The following ZBTB43 variants were observed in gnomAD, a reference collection of about 807,000 sequenced individuals.
The protein encoded by ZBTB43 is zinc finger and BTB domain-containing protein 43.
Under a neutral mutation model 31.1 loss-of-function variants are expected in ZBTB43, and 6 were observed. The observed-to-expected ratio is 0.19, with a 90% confidence interval of 0.11 to 0.38. ZBTB43 has a LOEUF of 0.38. Among genes scored for constraint, ZBTB43 ranks in the 10% least tolerant of loss-of-function variants. The probability of loss-of-function intolerance (pLI) is 1.00; values close to 1 mark genes in which losing one functional copy is unlikely to be tolerated. For synonymous variants in ZBTB43, 212 were observed against 221.7 expected (o/e 0.96, Z 0.39); for missense variants, 379 against 602.1 (o/e 0.63, Z 3.88).
At chr9:126,829,784 T>G (rs2032727099) in intron 2 of ZBTB43, among the ~76,000 whole-genome samples, 1 of 152,138 alleles carries the variant, frequency 6.6e-6, no homozygotes, top group African/African-American at 2.4e-5. Context: ...AAAGCAAAAT[T>G]CTACAGTGGT....
chr9:126,810,162 TTTTG>T (rs1020216317), intron 2 of ZBTB43, among the ~76,000 whole-genome samples: 54 of 151,524 alleles, frequency 3.6e-4, no homozygotes, highest in East Asian at 1.8e-3. Context: ...TTATTAAGGT[TTTTG>T]TTTGTTTGTT....
chr9:126,837,698 A>G lies in ZBTB43; in HGVS notation c.*3785A>G, dbSNP rs1163144114. On this transcript the variant is annotated 3_prime_UTR_variant, in exon 3 of 3. Transcript: ENST00000373464. ...ATTTAGGTTGCTTTAGTGGGTGACTAACTTTTGTTCAGTGAAACCAGGGTT... is the reference window on the plus strand; with the variant it reads ...ATTTAGGTTGCTTTAGTGGGTGACTGACTTTTGTTCAGTGAAACCAGGGTT... 1.8e-5 allele frequency: 3 copies of G among 167,064 alleles called. No individual in the cohort carries two copies. In the Admixed American group the frequency reaches 2.0e-4, roughly 11 times the overall value. 10.3% of individuals were successfully genotyped at this position (167,064 alleles called of 1,614,324 possible).
In ZBTB43 at chr9:126,832,561, A is replaced by T; in HGVS notation, c.52A>T (p.Thr18Ser). ...GGTAGAATTTCCTGATTTTTCCAGC[A>T]CCATTCTACAGAAACTGAACCAGCA... is the stretch of plus-strand genomic sequence containing the variant. ...FRVEFPDFSSTILQKLNQQRQ... is the reference protein window; with the variant it reads ...FRVEFPDFSSSILQKLNQQRQ... The change falls in exon 3 of 3, where the codon ACC (threonine) becomes TCC (serine). Residue 18 changes from threonine to serine, a missense_variant. Physicochemically the swap from Thr to Ser is moderately conservative, Grantham distance 58. Transcript: ENST00000373464. 1.9e-6 allele frequency: 3 copies of T among 1,612,782 alleles called. No homozygotes were observed. The highest frequency in any genetic ancestry group is 2.5e-6 in the Non-Finnish European group (3 of 1,178,762).
chr9:126,829,421 C>T (rs1453064188), intron 2 of ZBTB43, among the ~76,000 whole-genome samples: 2 of 152,220 alleles, frequency 1.3e-5, no homozygotes, highest in African/African-American at 4.8e-5. Flanking sequence ...GAACTGCTTA[C>T]ATTACGATAC....
At chr9:126,824,085 G>A (rs763697594) in intron 2 of ZBTB43, among the ~76,000 whole-genome samples, 2 of 151,836 alleles carry the variant, frequency 1.3e-5, no homozygotes, top group African/African-American at 2.4e-5. Context: ...GGAGTGCAGT[G>A]GCGCAATCTC....
chr9:126,825,289 T>C (rs2032606445), intron 2 of ZBTB43, among the ~76,000 whole-genome samples: 1 of 150,358 alleles, frequency 6.7e-6, no homozygotes, highest in African/African-American at 2.5e-5. Context: ...GGATTTTATT[T>C]ACCTTATCTT....
Position 126,837,721 on chromosome 9 carries a change from G to A in ZBTB43, c.*3808G>A, listed in dbSNP as rs537821410. The stretch of plus-strand genomic sequence containing the variant: ...CTAACTTTTGTTCAGTGAAACCAGG[G>A]TTTGTTTGGGGTTTTTTTCTTTGCT... On this transcript the variant is annotated 3_prime_UTR_variant, in exon 3 of 3. Coordinates refer to ENST00000373464, the MANE Select transcript of ZBTB43 (RefSeq NM_014007.4). The A allele has an allele frequency of 3.6e-5, 6 of 167,032 alleles. No individual in the cohort carries two copies. Among genetic ancestry groups the A allele is most frequent in the Non-Finnish European group, 8.8e-5 (6 of 68,138 alleles). The allele number at this position is 167,032 out of a possible 1,614,324, so 10.3% of individuals were successfully genotyped here. A position where few individuals can be genotyped will look rare whatever the true frequency, so the allele number is the denominator to read the frequency against.
rs540083489 is a variant in ZBTB43, at chr9:126,819,767, C to T, written c.-24+10852C>T. Among the ~76,000 whole-genome samples, 14 of 152,264 alleles carry T rather than the reference C, an allele frequency of 9.2e-5. No individual in the cohort carries two copies. The South Asian group carries it at 2.9e-3, about 32-fold the overall frequency. On this transcript the variant is annotated intron_variant, in intron 2 of 2. Coordinates refer to ENST00000373464, the MANE Select transcript of ZBTB43 (RefSeq NM_014007.4). ...AAGGCATATCAAAAGCAAACATAAG[C>T]CAAAAGTTAGACTTCTTGCTCTAAA...
chr9:126,818,438 T>C (rs971937790), intron 2 of ZBTB43, among the ~76,000 whole-genome samples: 2 of 151,624 alleles, frequency 1.3e-5, no homozygotes, highest in Non-Finnish European at 2.9e-5. Flanking sequence ...AGAGACAGGG[T>C]TTTACCATAC....
Position 126,833,908 on chromosome 9 carries a change from A to G in ZBTB43, c.1399A>G (p.Asn467Asp). The stretch of plus-strand genomic sequence containing the variant: ...GGCTGAGCAGAATACAACTGAGGCT[A>G]ACTAAAAATAGGATCTGGCCCTTGA... ...AKAEQNTTEA[N>D] The change falls in exon 3 of 3, where the codon AAC becomes GAC. Residue 467 changes from asparagine (N) to aspartate (D), a missense_variant. Coordinates refer to ENST00000373464, the MANE Select transcript of ZBTB43 (RefSeq NM_014007.4). The surrounding 1 kb of genome is among the most constrained non-coding windows in gnomAD (Gnocchi z 7.9). The G allele has an allele frequency of 6.4e-7, 1 of 1,572,586 alleles. No individual in the cohort carries two copies. The highest frequency in any genetic ancestry group is 2.3e-5 in the East Asian group (1 of 43,892).
chr9:126,826,454 C>CTTT (rs35094731), intron 2 of ZBTB43, among the ~76,000 whole-genome samples: 7,533 of 53,558 alleles, frequency 0.14, 2,907 homozygotes, highest in Non-Finnish European at 0.21. Flanking sequence ...GCCCCCCCGC[C>CTTT]TTTTTTTTTT....
chr9:126,815,656 CTCTTT>C (rs1283734528), intron 2 of ZBTB43, among the ~76,000 whole-genome samples: 2 of 77,464 alleles, frequency 2.6e-5, no homozygotes, highest in Non-Finnish European at 3.9e-5. Flanking sequence ...CTCTCTCTCT[CTCTTT>C]TTTTTTTTTT....
Position 126,816,600 on chromosome 9 carries a change from A to T in ZBTB43, c.-24+7685A>T, listed in dbSNP as rs1051306086. Among the ~76,000 whole-genome samples the T allele has an allele frequency of 6.6e-5, 10 of 152,274 alleles. No homozygotes were observed. In the East Asian group the frequency reaches 1.9e-3, roughly 29 times the overall value. On this transcript the variant is annotated intron_variant, in intron 2 of 2. Transcript: ENST00000373464. ...AGGGAAACATTCTGTTCAGGTCTGA[A>T]ATTTGCTTTTGGGTCCCTTGTTGTA... is the stretch of plus-strand genomic sequence containing the variant.
intron 2 of ZBTB43, among the ~76,000 whole-genome samples, chr9:126,822,965 T>G (rs1157034236): frequency 6.6e-6 from 1 of 152,074 alleles, no homozygotes; most frequent in African/African-American, 2.4e-5. Flanking sequence ...GCACACTTAA[T>G]AGACTACAGT....
chr9:126,815,274 ATATATATATAGTTTTCAATATATAAAAC>A (rs1260753831), intron 2 of ZBTB43, among the ~76,000 whole-genome samples: 1,797 of 15,956 alleles, frequency 0.11, 71 homozygotes, highest in African/African-American at 0.29. Context: ...ATATAAAACT[ATATATATATAGTTTTCAATATATAAAAC>A]TATATATATA....
At chr9:126,806,388 A>G (rs2032128416) in intron 1 of ZBTB43, among the ~76,000 whole-genome samples, 2 of 152,246 alleles carry the variant, frequency 1.3e-5, no homozygotes, top group Admixed American at 1.3e-4. Flanking sequence ...TAAACCACAC[A>G]CAAAAGGACA....
At chr9:126,816,436 T>C (rs2032387689) in intron 2 of ZBTB43, among the ~76,000 whole-genome samples, 1 of 152,218 alleles carries the variant, frequency 6.6e-6, no homozygotes, top group Non-Finnish European at 1.5e-5. Context: ...TCAGAGACTG[T>C]GTTTTCATGA....
In ZBTB43 at chr9:126,833,584, G is replaced by A; in HGVS notation, c.1075G>A (p.Glu359Lys). The A allele has an allele frequency of 6.2e-7, 1 of 1,614,084 alleles. No individual in the cohort carries two copies. Among genetic ancestry groups the A allele is most frequent in the Non-Finnish European group, 8.5e-7 (1 of 1,179,978 alleles). Reference protein sequence around the residue: ...ENIEMVTGIKEEASHLGFSAT... With the variant: ...ENIEMVTGIKKEASHLGFSAT... ...TATTGAAATGGTAACAGGGATTAAA[G>A]AAGAAGCTTCCCACTTAGGATTCTC... The change falls in exon 3 of 3, where the codon GAA (glutamate) becomes AAA (lysine). Residue 359 changes from glutamate (E) to lysine (K), a missense_variant. Coordinates refer to ENST00000373464, the MANE Select transcript of ZBTB43 (RefSeq NM_014007.4). This position sits in a 1 kb window ranked among gnomAD's most constrained non-coding sequence, Gnocchi z 7.9.
At chr9:126,814,014 G>C (rs2032306103) in intron 2 of ZBTB43, among the ~76,000 whole-genome samples, 1 of 152,166 alleles carries the variant, frequency 6.6e-6, no homozygotes, top group African/African-American at 2.4e-5. Context: ...TAGAAAAGGA[G>C]TATTATTTGT....
Sources: gnomAD v4.1 joint callset for allele counts (sites outside exome capture counted in the v4.1 genomes callset) on GRCh38, gnomAD v4.1.1 for gene constraint, Gnocchi (gnomAD v3.1) non-coding constraint, MANE v1.5 for transcripts, NCBI Gene and HGNC (gene_info 2026-07-23, HGNC 2026-07-21) for gene names.